RHBDF1: variants seen among roughly 807,000 people sequenced by gnomAD.
The protein encoded by RHBDF1 is rhomboid 5 homolog 1, also known as inactive rhomboid protein 1.
A neutral mutation model predicts 98.6 loss-of-function variants in RHBDF1; 80 were observed. The ratio of observed to expected loss-of-function variants is 0.81; its 90% CI spans 0.68 to 0.98. The LOEUF (loss-of-function observed/expected upper bound fraction) is 0.98. Ranked by LOEUF, RHBDF1 falls within the 50% of genes least tolerant of loss-of-function variation. The pLI is 0.00. For missense variants in RHBDF1, 1,116 were observed against 1,198.3 expected (o/e 0.93, Z 1.01); for synonymous variants, 512 against 486.8 (o/e 1.05, Z -0.68).
chr16:65,713 G>A (rs1897810938), intron 1 of RHBDF1, among the ~76,000 whole-genome samples: 1 of 152,226 alleles, frequency 6.6e-6, no homozygotes, highest in African/African-American at 2.4e-5. Context: ...GCCTGCAAGA[G>A]GTGTGTGATC....
rs770971284 is a variant in RHBDF1 at position 62,016 on chromosome 16, G to A, written c.990C>T (p.Gly330=). ...LERGWRKQKE[G]AAAPQPKVRL... ...GCACCTTGGGCTGCGGGGCTGCGGC[G>A]CCCTCCTTCTGCTTCCGCCAGCCTC... The change falls in exon 8 of 18, where the codon GGC becomes GGT. Residue 330 remains glycine, a synonymous_variant. Transcript: ENST00000262316. The A allele has an allele frequency of 2.6e-6, 4 of 1,532,978 alleles. No homozygotes were observed. Among genetic ancestry groups the A allele is most frequent in the Admixed American group, 1.9e-5 (1 of 52,104 alleles). 95.0% of individuals were successfully genotyped at this position (1,532,978 alleles called of 1,614,324 possible). A position where few individuals can be genotyped will look rare whatever the true frequency, so the allele number is the denominator to read the frequency against.
intron 1 of RHBDF1, among the ~76,000 whole-genome samples, chr16:69,029 G>A (rs369854418): frequency 2.6e-4 from 40 of 152,252 alleles, no homozygotes; most frequent in African/African-American, 7.9e-4. Flanking sequence ...CAGTAGCAGC[G>A]GCTGACTCCA....
At chr16:60,126 G>T (rs1193015219) in intron 13 of RHBDF1, 90 bp downstream of exon 13, 1 of 1,598,632 alleles carries the variant, frequency 6.3e-7, no homozygotes, top group Admixed American at 1.7e-5. Context: ...TCCCATGATG[G>T]GAATCTCTGG....
Position 63,132 on chromosome 16 carries a change from A to G in RHBDF1, c.513T>C (p.Thr171=). 6.3e-7 allele frequency: 1 copy of G among 1,599,912 alleles called. No individual in the cohort carries two copies. The highest frequency in any genetic ancestry group is 8.5e-7 in the Non-Finnish European group (1 of 1,174,216). ...RGRAFRVADD[T]AEGLSAPHTP... ...TGTGTGGGGCACTCAGGCCTTCCGC[A>G]GTGTCATCTGCCACACGGAAGGCAC... Residue 171 remains threonine, a synonymous_variant, in exon 5 of 18, where the codon ACT becomes ACC. Transcript: ENST00000262316.
chr16:61,063 G>T (rs551070535), intron 11 of RHBDF1, 57 bp downstream of exon 11: 1 of 1,491,394 alleles, frequency 6.7e-7, no homozygotes, highest in Non-Finnish European at 9.0e-7. Flanking sequence ...TCTATCTGAG[G>T]TCTGAAGAGC....
In RHBDF1 at chr16:62,980, A is replaced by G; in HGVS notation, c.665T>C (p.Leu222Pro). 6.2e-7 allele frequency: 1 copy of G among 1,611,972 alleles called. No individual in the cohort carries two copies. Among genetic ancestry groups the G allele is most frequent in the Non-Finnish European group, 8.5e-7 (1 of 1,179,250 alleles). ...TTTGGCCCCTGCACCCACTTTCATC[A>G]GCGCTGCGGCCGCCCGGAAGCTCAT... is the stretch of plus-strand genomic sequence containing the variant. ...AKMSFRAAAA[L>P]MKGRSVRDGT... Residue 222 changes from leucine to proline, a missense_variant, in exon 5 of 18, where the codon CTG becomes CCG. Leu to Pro is a moderately conservative substitution (Grantham distance 98, BLOSUM62 -3). Transcript: ENST00000262316.
rs143952603 is a variant in RHBDF1 at position 62,661 on chromosome 16, G to T, written c.830C>A (p.Pro277Gln). The change falls in exon 7 of 18, where the codon CCG becomes CAG. Residue 277 changes from proline to glutamine, a missense_variant. Coordinates refer to ENST00000262316, the MANE Select transcript of RHBDF1 (RefSeq NM_022450.5). The part of the protein sequence containing the change: ...GILHEELSTY[P>Q]DEVFESPSEA... ...CGATGGGGACTCGAAAACTTCATCC[G>T]GGTATGTGGACAGCTCTTCATGGAG... The T allele has an allele frequency of 8.1e-6, 13 of 1,614,120 alleles. No homozygotes were observed. The highest frequency in any genetic ancestry group is 1.1e-5 in the Non-Finnish European group (13 of 1,180,042).
chr16:70,007 C>CGGGG (rs1897928418), intron 1 of RHBDF1, among the ~76,000 whole-genome samples: 1 of 134,206 alleles, frequency 7.5e-6, no homozygotes, highest in Non-Finnish European at 1.5e-5. Context: ...CAGCACTTGG[C>CGGGG]AGGAGGGGGG....
chr16:62,682 T>G lies in RHBDF1; in HGVS notation c.809A>C (p.His270Pro). The change falls in exon 7 of 18, where the codon CAT becomes CCT. Residue 270 changes from histidine to proline, a missense_variant. Coordinates refer to ENST00000262316, the MANE Select transcript of RHBDF1 (RefSeq NM_022450.5). ...ATCCGGGTATGTGGACAGCTCTTCA[T>G]GGAGGATACCTTCCTGAGCAAACAC... ...TSFFAREGIL[H>P]EELSTYPDEV... The G allele has an allele frequency of 1.2e-6, 2 of 1,614,132 alleles. No homozygotes were observed. The highest frequency in any genetic ancestry group is 1.7e-6 in the Non-Finnish European group (2 of 1,180,028).
At chr16:59,210 G>A in intron 16 of RHBDF1, 39 bp downstream of exon 16, 1 of 1,593,444 alleles carries the variant, frequency 6.3e-7, no homozygotes, top group Non-Finnish European at 8.6e-7. Flanking sequence ...CAATCCTGAG[G>A]GCCCTGAGAC....
chr16:71,911 C>G lies in RHBDF1; in HGVS notation c.-25+602G>C, dbSNP rs1897980210. ...TGAGAGTCTGTCTTCGGGAGTCGCT[C>G]CCAGCCCACCCTGGAGCTTCGAAGT... On this transcript the variant is annotated intron_variant, in intron 1 of 17. Transcript: ENST00000262316. Among the ~76,000 whole-genome samples, 2 of 152,226 alleles carry G rather than the reference C, an allele frequency of 1.3e-5. 1 individual carries two copies. The highest frequency in any genetic ancestry group is 4.1e-4 in the South Asian group (2 of 4,832).
At position 60,535 on chromosome 16, in the gene RHBDF1, G is replaced by A. The variant is rs1477626221; in HGVS notation, c.1562C>T (p.Thr521Met). Reference sequence around the variant, plus strand: ...GGGCCACTTCACCCACACTGCCAGCGTGGACTGTGGGAGGGGGACACAGGG... The same window carrying A: ...GGGCCACTTCACCCACACTGCCAGCATGGACTGTGGGAGGGGGACACAGGG... Reference protein sequence around the residue: ...VQTSEEECSSTLAVWVKWPIH... With the variant: ...VQTSEEECSSMLAVWVKWPIH... Residue 521 changes from threonine (T) to methionine (M), a missense_variant, in exon 12 of 18, where the codon ACG (threonine) becomes ATG (methionine). Physicochemically the swap from Thr to Met is moderately conservative, Grantham distance 81. Transcript: ENST00000262316. 2.5e-6 allele frequency: 4 copies of A among 1,606,746 alleles called. No homozygotes were observed. Among genetic ancestry groups the A allele is most frequent in the Non-Finnish European group, 3.4e-6 (4 of 1,179,350 alleles).
intron 11 of RHBDF1, 111 bp downstream of exon 11, chr16:61,009 G>A (rs1032272520): frequency 2.7e-5 from 33 of 1,232,232 alleles, no homozygotes; most frequent in Non-Finnish European, 3.4e-5. Flanking sequence ...GCGTAAGGAC[G>A]GCGGGATGTG....
At chr16:73,728 G>A (rs547532209), upstream of RHBDF1, among the ~76,000 whole-genome samples, 113 of 152,262 alleles carry the variant, frequency 7.4e-4, no homozygotes, top group South Asian at 2.5e-3. Flanking sequence ...CCCATGCCTC[G>A]GACAAATGTG....
intron 1 of RHBDF1, among the ~76,000 whole-genome samples, chr16:69,332 G>A (rs942279626): frequency 2.6e-5 from 4 of 152,104 alleles, no homozygotes; most frequent in African/African-American, 9.7e-5. Context: ...GACAACTGGC[G>A]GCGGAGTTGA....
At chr16:60,939 C>CAA (rs1897587292) in intron 11 of RHBDF1, 181 bp downstream of exon 11, 1 of 646,312 alleles carries the variant, frequency 1.5e-6, no homozygotes, top group Admixed American at 3.3e-5. Flanking sequence ...GTCTACGGGG[C>CAA]GAGGAGCTGG....
At chr16:68,665 G>GT (rs397710409) in intron 1 of RHBDF1, among the ~76,000 whole-genome samples, 12 of 152,206 alleles carry the variant, frequency 7.9e-5, no homozygotes, top group South Asian at 2.1e-4. Flanking sequence ...CAGCTGGGGG[G>GT]GCTGCGGGCA....
intron 3 of RHBDF1, chr16:64,195 G>T: frequency 1.6e-6 from 2 of 1,237,514 alleles, no homozygotes; most frequent in Non-Finnish European, 2.2e-6. Flanking sequence ...CACAGCACTT[G>T]GACATGCAAA....
rs561194234 is a variant in RHBDF1, at chr16:59,230, G to A, written c.1994+19C>T. The A allele has an allele frequency of 4.1e-5, 66 of 1,592,536 alleles. No homozygotes were observed. Among genetic ancestry groups the A allele is most frequent in the Middle Eastern group, 3.3e-4 (2 of 5,974 alleles). On this transcript the variant is annotated intron_variant, in intron 16 of 17. Transcript: ENST00000262316. ...CTGAGGGCCCTGAGACCCCCGACCCGGCCCACAGTGTCACTTGCCCGGCGT... is the reference window on the plus strand; with the variant it reads ...CTGAGGGCCCTGAGACCCCCGACCCAGCCCACAGTGTCACTTGCCCGGCGT...
Sources: allele counts gnomAD v4.1 joint callset (sites outside exome capture counted in the v4.1 genomes callset), GRCh38; gene constraint gnomAD v4.1.1; transcripts MANE v1.5; gene names NCBI Gene and HGNC (gene_info 2026-07-23, HGNC 2026-07-21).